Variants in DACH1 observed in about 807,000 individuals in gnomAD.
The protein encoded by DACH1 is dachshund family transcription factor 1, also known as dachshund homolog 1.
Under a neutral mutation model 54.2 loss-of-function variants are expected in DACH1, and 12 were observed. The observed-to-expected ratio is 0.22, with a 90% CI of 0.14 to 0.36. The LOEUF is 0.36. DACH1 is among the 10% of genes least tolerant of loss of function. The pLI is 1.00. For synonymous variants in DACH1, 386 were observed against 366.2 expected, an observed-to-expected ratio of 1.05 and a Z score of -0.62; for missense variants, 805 against 929.8, an observed-to-expected ratio of 0.87 and a Z score of 1.75.
At chr13:71,501,829 A>G (rs191533100) in intron 6 of DACH1, among the ~76,000 whole-genome samples, 37 of 152,304 alleles carry the variant, frequency 2.4e-4, no homozygotes, top group Admixed American at 1.4e-3. Context: ...AATGTTTTAA[A>G]TGCTTTGCAT....
chr13:71,504,879 A>T (rs1214089718), intron 6 of DACH1, among the ~76,000 whole-genome samples: 1 of 152,186 alleles, frequency 6.6e-6, no homozygotes, highest in Non-Finnish European at 1.5e-5. Flanking sequence ...GTCTCTCTGT[A>T]CTGTGAGCTG....
Position 71,866,401 on chromosome 13 carries a change from G to C in DACH1, c.369C>G (p.Ser123Arg). 6.9e-7 allele frequency: 1 copy of C among 1,452,524 alleles called. No homozygotes were observed. The highest frequency in any genetic ancestry group is 1.3e-5 in the South Asian group (1 of 76,736). The allele number at this position is 1,452,524 out of a possible 1,614,324, so 90.0% of individuals were successfully genotyped here. Reference protein sequence around the residue: ...NGSGGGGGGISAGGGVASSTP... With the variant: ...NGSGGGGGGIRAGGGVASSTP... Reference sequence around the variant, plus strand: ...TGCTGGAAGCGACGCCGCCGCCAGCGCTGATGCCGCCGCCGCCGCCGCCGC... The same window carrying C: ...TGCTGGAAGCGACGCCGCCGCCAGCCCTGATGCCGCCGCCGCCGCCGCCGC... The change falls in exon 1 of 11, where the codon AGC (serine) becomes AGG (arginine). Residue 123 changes from serine (S) to arginine (R), a missense_variant. Physicochemically the swap from Ser to Arg is moderately radical, Grantham distance 110. Coordinates refer to ENST00000613252, the MANE Select transcript of DACH1 (RefSeq NM_080759.6).
intron 2 of DACH1, among the ~76,000 whole-genome samples, chr13:71,655,361 T>C (rs1879020635): frequency 7.5e-6 from 1 of 132,924 alleles, no homozygotes; most frequent in Non-Finnish European, 1.5e-5. Flanking sequence ...TGATGTCTCT[T>C]TTTTTTTTTA....
intron 3 of DACH1, among the ~76,000 whole-genome samples, chr13:71,621,508 G>T (rs573427697): frequency 6.6e-6 from 1 of 152,146 alleles, no homozygotes; most frequent in Non-Finnish European, 1.5e-5. Flanking sequence ...TTTCAAGCTT[G>T]CTGTGCAGAC....
chr13:71,469,943 G>T (rs1390085852), intron 10 of DACH1, among the ~76,000 whole-genome samples: 1 of 152,176 alleles, frequency 6.6e-6, no homozygotes, highest in Non-Finnish European at 1.5e-5. Flanking sequence ...GTAAATAAAA[G>T]AGTTGTACTT....
intron 1 of DACH1, among the ~76,000 whole-genome samples, chr13:71,833,196 C>G (rs1230758018): frequency 6.6e-6 from 1 of 151,830 alleles, no homozygotes; most frequent in Admixed American, 6.6e-5. Context: ...ATTAGGGATG[C>G]TCAGTGAGAA....
intron 1 of DACH1, among the ~76,000 whole-genome samples, chr13:71,801,639 G>GAAATACAGAGCATTTGTAT (rs1887292622): frequency 6.6e-6 from 1 of 152,098 alleles, no homozygotes; most frequent in Non-Finnish European, 1.5e-5. Context: ...TTCTTATTTA[G>GAAATACAGAGCATTTGTAT]ATATGAAATA....
At chr13:71,847,770 A>G (rs998991412) in intron 1 of DACH1, among the ~76,000 whole-genome samples, 1 of 152,176 alleles carries the variant, frequency 6.6e-6, no homozygotes, top group Non-Finnish European at 1.5e-5. Flanking sequence ...ACAATATAAT[A>G]AGGGAGAAAC....
At position 71,559,969 on chromosome 13, in the gene DACH1, A is replaced by G. The variant is rs761962203; in HGVS notation, c.1300-14T>C. On this transcript the variant is annotated splice_polypyrimidine_tract_variant and intron_variant, in intron 4 of 10. Transcript: ENST00000613252. ...AGGAACACGCTCCTGCACCAGCAAGAGAGGGAAGGAGGGTAGAAAAGATGT... is the reference window on the plus strand; with the variant it reads ...AGGAACACGCTCCTGCACCAGCAAGGGAGGGAAGGAGGGTAGAAAAGATGT... 4 of 1,508,338 alleles carry G rather than the reference A, an allele frequency of 2.7e-6. No individual in the cohort carries two copies. In the African/African-American group the frequency reaches 5.6e-5, roughly 21 times the overall value. The allele number at this position is 1,508,338 out of a possible 1,614,324, so 93.4% of individuals were successfully genotyped here.
chr13:71,516,634 G>A (rs1402804086), intron 6 of DACH1, among the ~76,000 whole-genome samples: 1 of 151,632 alleles, frequency 6.6e-6, no homozygotes, highest in Non-Finnish European at 1.5e-5. Context: ...CCTTCTTTTG[G>A]CTTGTCATTT....
chr13:71,676,607 G>A (rs1411237987), intron 2 of DACH1, among the ~76,000 whole-genome samples: 1 of 152,120 alleles, frequency 6.6e-6, no homozygotes, highest in African/African-American at 2.4e-5. Flanking sequence ...TACAAAAGAG[G>A]TTGTTTAGAT....
intron 6 of DACH1, among the ~76,000 whole-genome samples, chr13:71,524,291 T>C (rs1396658439): frequency 6.6e-6 from 1 of 152,156 alleles, no homozygotes; most frequent in African/African-American, 2.4e-5. Context: ...GATTGCTACA[T>C]TATCATGTCA....
intron 6 of DACH1, among the ~76,000 whole-genome samples, chr13:71,492,870 C>T (rs1288478277): frequency 1.3e-5 from 2 of 151,754 alleles, no homozygotes; most frequent in Non-Finnish European, 2.9e-5. Flanking sequence ...AGGACACACT[C>T]TTACATAAAC....
chr13:71,730,986 T>A (rs1883715640), intron 1 of DACH1, among the ~76,000 whole-genome samples: 1 of 152,112 alleles, frequency 6.6e-6, no homozygotes, highest in Non-Finnish European at 1.5e-5. Context: ...TATATTTTTT[T>A]CAAACGGAAT....
At chr13:71,693,940 C>A (rs1219587271) in intron 1 of DACH1, among the ~76,000 whole-genome samples, 1 of 152,054 alleles carries the variant, frequency 6.6e-6, no homozygotes, top group Non-Finnish European at 1.5e-5. Flanking sequence ...GTATAAGCAT[C>A]TTCACATATA....
At chr13:71,751,078 T>A (rs1052511872) in intron 1 of DACH1, among the ~76,000 whole-genome samples, 4 of 152,226 alleles carry the variant, frequency 2.6e-5, no homozygotes, top group African/African-American at 9.6e-5. Flanking sequence ...GATGTTTACA[T>A]AATACCCAGA....
rs183854752 is a variant in DACH1 at position 71,756,335 on chromosome 13, G to A, written c.849-74425C>T. Among the ~76,000 whole-genome samples, 115 of 151,958 alleles carry A rather than the reference G, an allele frequency of 7.6e-4. 1 individual carries two copies. The highest frequency in any genetic ancestry group is 4.5e-3 in the East Asian group (23 of 5,160). On this transcript the variant is annotated intron_variant, in intron 1 of 10. Transcript: ENST00000613252. ...TGGGATTACCTAAGTGTGAGCCACC[G>A]CACCCGGCCAAGACATTTAAAAGTA...
intron 1 of DACH1, among the ~76,000 whole-genome samples, chr13:71,725,693 A>C (rs1244981252): frequency 6.6e-6 from 1 of 152,128 alleles, no homozygotes; most frequent in African/African-American, 2.4e-5. Context: ...TAAGCTCCTT[A>C]ATTCACAATA....
At chr13:71,670,123 G>C (rs182888422) in intron 2 of DACH1, among the ~76,000 whole-genome samples, 284 of 151,506 alleles carry the variant, frequency 1.9e-3, no homozygotes, top group Non-Finnish European at 3.1e-3. Flanking sequence ...AAATAGTTTA[G>C]TCTACTGTAT....
Sources: allele counts gnomAD v4.1 joint callset (sites outside exome capture counted in the v4.1 genomes callset), GRCh38; gene constraint gnomAD v4.1.1; transcripts MANE v1.5; gene names NCBI Gene and HGNC (gene_info 2026-07-23, HGNC 2026-07-21).